ATP1A4: variants seen among roughly 807,000 people sequenced by gnomAD.
ATP1A4 encodes ATPase Na+/K+ transporting subunit alpha 4.
In ATP1A4, 90 loss-of-function variants were observed where a neutral mutation model predicts 114.3. The observed-to-expected ratio is 0.79, with a 90% confidence interval of 0.66 to 0.94. The LOEUF (loss-of-function observed/expected upper bound fraction) is 0.94, where lower values mean the gene tolerates loss of function less well. ATP1A4 is among the 40% of genes least tolerant of loss of function. ATP1A4 has a pLI of 0.00. For missense variants in ATP1A4, 1,222 were observed against 1,313.6 expected (o/e 0.93, Z 1.08); for synonymous variants, 511 against 494.1 (o/e 1.03, Z -0.45).
intron 10 of ATP1A4, chr1:160,169,921 G>A (rs891912594): frequency 2.6e-5 from 4 of 152,168 alleles, no homozygotes; most frequent in Admixed American, 1.3e-4. Flanking sequence ...AGAGGCCCAG[G>A]GACTAGAATG....
intron 7 of ATP1A4, among the ~76,000 whole-genome samples, chr1:160,166,040 C>T (rs962452269): frequency 6.6e-6 from 1 of 152,142 alleles, no homozygotes; most frequent in Non-Finnish European, 1.5e-5. Context: ...GAGGCCAAGG[C>T]ATGCAGATCA....
At chr1:160,180,556 GAAAGAACA>G (rs1486783569) in intron 18 of ATP1A4, among the ~76,000 whole-genome samples, 6 of 152,092 alleles carry the variant, frequency 3.9e-5, no homozygotes, top group African/African-American at 1.4e-4. Flanking sequence ...AAGTGTGAAT[GAAAGAACA>G]AATGAATGAA....
intron 18 of ATP1A4, among the ~76,000 whole-genome samples, chr1:160,178,607 G>GGAGATTGCAGTGAGCC (rs1653570999): frequency 6.6e-6 from 1 of 151,878 alleles, no homozygotes. Flanking sequence ...CCCAGGAGGC[G>GGAGATTGCAGTGAGCC]GAGATTGCAG....
chr1:160,155,673 T>C (rs16831449), intron 3 of ATP1A4, among the ~76,000 whole-genome samples: 9,669 of 152,218 alleles, frequency 0.064, 1,044 homozygotes, highest in African/African-American at 0.22. Flanking sequence ...TGTTCTTTGA[T>C]GACCTTCCCA....
chr1:160,171,067 G>A, intron 10 of ATP1A4, 184 bp from the exon 11 acceptor site: 1 of 533,748 alleles, frequency 1.9e-6, no homozygotes, highest in Non-Finnish European at 3.3e-6. Context: ...CCAGGCTGCA[G>A]TTTTCTGGAA....
chr1:160,185,094 T>A (rs180953759), intron 20 of ATP1A4, among the ~76,000 whole-genome samples: 105 of 147,802 alleles, frequency 7.1e-4, no homozygotes, highest in African/African-American at 2.4e-3. Flanking sequence ...TTTATCATAT[T>A]ATATCATCAT....
intron 11 of ATP1A4, 49 bp downstream of exon 11, chr1:160,171,489 A>G (rs1007431913): frequency 6.2e-7 from 1 of 1,607,080 alleles, no homozygotes; most frequent in African/African-American, 1.3e-5. Flanking sequence ...CAAAATGGTT[A>G]TTATCCCTGG....
At chr1:160,185,108 C>CT (rs34234271) in intron 20 of ATP1A4, among the ~76,000 whole-genome samples, 45 of 141,996 alleles carry the variant, frequency 3.2e-4, no homozygotes, top group African/African-American at 3.1e-4. Context: ...TCATCATTGG[C>CT]TTTTTTTTTT....
chr1:160,164,262 G>T lies in ATP1A4; in HGVS notation c.885G>T (p.Glu295Asp). The T allele has an allele frequency of 6.2e-7, 1 of 1,614,184 alleles. No homozygotes were observed. Among genetic ancestry groups the T allele is most frequent in the South Asian group, 1.1e-5 (1 of 91,082 alleles). The change falls in exon 7 of 22, where the codon GAG becomes GAT. Residue 295 changes from glutamate (E) to aspartate (D), a missense_variant. By Grantham distance (45) the Glu-to-Asp change is conservative. Transcript: ENST00000368081. The stretch of plus-strand genomic sequence containing the variant: ...TTGGCCAGACACCTATCGCTGCTGA[G>T]ATCGAACACTTCATCCATCTGATCA... ...LAVGQTPIAA[E>D]IEHFIHLITV...
intron 12 of ATP1A4, 32 bp downstream of exon 12, chr1:160,171,789 C>T (rs761491326): frequency 1.2e-6 from 2 of 1,602,856 alleles, no homozygotes; most frequent in East Asian, 2.2e-5. Flanking sequence ...GAGCCCCTCA[C>T]CTGTCACAAG....
rs995282966 is a variant in ATP1A4 at position 160,172,570 on chromosome 1, C to T, written c.1854+813C>T. 5.3e-5 allele frequency among the ~76,000 whole-genome samples: 8 copies of T among 152,272 alleles called. No homozygotes were observed. In the East Asian group the frequency reaches 1.5e-3, roughly 29 times the overall value. Reference sequence around the variant, plus strand: ...AGAATTCTTCAAATTCTGAGGTGTTCTGTGTCCCATGTTTCCCAGGTCAAA... The same window carrying T: ...AGAATTCTTCAAATTCTGAGGTGTTTTGTGTCCCATGTTTCCCAGGTCAAA... On this transcript the variant is annotated intron_variant, in intron 12 of 21. Coordinates refer to ENST00000368081, the MANE Select transcript of ATP1A4 (RefSeq NM_144699.4).
chr1:160,158,818 G>A (rs2101627737), intron 4 of ATP1A4, among the ~76,000 whole-genome samples, 184 bp from the exon 5 acceptor site: 1 of 151,726 alleles, frequency 6.6e-6, no homozygotes, highest in African/African-American at 2.4e-5. Context: ...ACATTGCAAA[G>A]GGCCCTGCAA....
chr1:160,159,466 AC>A lies in ATP1A4; in HGVS notation c.721del (p.His241MetfsTer26), dbSNP rs764904700. 258 of 1,613,846 alleles carry A rather than the reference AC, an allele frequency of 1.6e-4. 1 individual carries two copies. The South Asian group carries it at 2.4e-3, about 15-fold the overall frequency. ...SEPQSRSPDF[T>X]HENPLETRNI... ...ACCCCAGAGCCGCTCCCCTGACTTC[AC>A]CCATGAGAACCCTCTGGAGACCCGA... On this transcript the variant is annotated frameshift_variant, in exon 6 of 22. Transcript: ENST00000368081. LOFTEE classifies it high-confidence loss of function.
At chr1:160,174,345 G>C in intron 14 of ATP1A4, 84 bp downstream of exon 14, 1 of 1,577,360 alleles carries the variant, frequency 6.3e-7, no homozygotes, top group South Asian at 1.2e-5. Flanking sequence ...GGAACATGTG[G>C]GCTGGGCTAG....
intron 11 of ATP1A4, 56 bp downstream of exon 11, chr1:160,171,496 C>A (rs625129): frequency 1.2e-6 from 2 of 1,602,774 alleles, no homozygotes; most frequent in Non-Finnish European, 1.7e-6. Context: ...GTTATTATCC[C>A]TGGGGTGAGA....
Position 160,176,072 on chromosome 1 carries a change from A to G in ATP1A4, c.2312-20A>G, listed in dbSNP as rs896819844. 10 of 1,613,728 alleles carry G rather than the reference A, an allele frequency of 6.2e-6. No homozygotes were observed. Among genetic ancestry groups the G allele is most frequent in the African/African-American group, 1.3e-5 (1 of 74,846 alleles). ...GTGTTCTCCCAGGGCTTCTCACAGG[A>G]GGTTGACCTTCCTCCCCAGGCCGCC... On this transcript the variant is annotated intron_variant, in intron 15 of 21. Coordinates refer to ENST00000368081, the MANE Select transcript of ATP1A4 (RefSeq NM_144699.4).
intron 13 of ATP1A4, 57 bp from the exon 14 acceptor site, chr1:160,174,054 G>T: frequency 6.3e-7 from 1 of 1,589,084 alleles, no homozygotes; most frequent in Non-Finnish European, 8.6e-7. Context: ...TGGGCACCAA[G>T]ACCCCTGGTG....
At chr1:160,157,609 G>A (rs1314623689) in intron 4 of ATP1A4, among the ~76,000 whole-genome samples, 1 of 152,126 alleles carries the variant, frequency 6.6e-6, no homozygotes, top group African/African-American at 2.4e-5. Flanking sequence ...ACTACATTGT[G>A]GTTGTTTAAG....
intron 7 of ATP1A4, among the ~76,000 whole-genome samples, chr1:160,164,748 A>T (rs1202740717): frequency 6.6e-6 from 1 of 152,244 alleles, no homozygotes; most frequent in Non-Finnish European, 1.5e-5. Context: ...ATGGAGGAAG[A>T]TTAATTTGGA....
Sources: gnomAD v4.1 joint callset for allele counts (sites outside exome capture counted in the v4.1 genomes callset) on GRCh38, gnomAD v4.1.1 for gene constraint, MANE v1.5 for transcripts, NCBI Gene and HGNC (gene_info 2026-07-23, HGNC 2026-07-21) for gene names.